Variants in SHC2 observed in about 807,000 individuals in gnomAD.
SHC2 encodes SHC-transforming protein 2.
Under a neutral mutation model 60.6 loss-of-function variants are expected in SHC2, and 62 were observed. The ratio of observed to expected loss-of-function variants is 1.02; its 90% CI spans 0.83 to 1.26. The LOEUF is 1.26. Ranked by LOEUF, SHC2 falls within the 50% of genes most tolerant of loss-of-function variation. The probability of loss-of-function intolerance (pLI) is 0.00; values close to 1 mark genes in which losing one functional copy is unlikely to be tolerated. For missense variants in SHC2, 873 were observed against 822.2 expected (o/e 1.06, Z -0.76); for synonymous variants, 375 against 372.4 (o/e 1.01, Z -0.08).
In SHC2 at chr19:430,748, C is replaced by G. The variant is rs1192662040; in HGVS notation, c.1111-1G>C. The G allele has an allele frequency of 6.2e-7, 1 of 1,613,006 alleles. No individual in the cohort carries two copies. The highest frequency in any genetic ancestry group is 8.5e-7 in the Non-Finnish European group (1 of 1,179,788). Reference sequence around the variant, plus strand: ...CATCTCTTAGAGAAGGAGATGGGCCCTGGAAACAGAGCAGTGAGAGGTTCC... The same window carrying G: ...CATCTCTTAGAGAAGGAGATGGGCCGTGGAAACAGAGCAGTGAGAGGTTCC... On this transcript the variant is annotated splice_acceptor_variant, in intron 8 of 12. Transcript: ENST00000264554. LOFTEE classifies it high-confidence loss of function.
rs1975052443 is a variant in SHC2, at chr19:446,371, T to C, written c.469-5439A>G. Among the ~76,000 whole-genome samples the C allele has an allele frequency of 6.6e-6, 1 of 152,094 alleles. No homozygotes were observed. Among genetic ancestry groups the C allele is most frequent in the Non-Finnish European group, 1.5e-5 (1 of 68,008 alleles). On this transcript the variant is annotated intron_variant, in intron 1 of 12. Coordinates refer to ENST00000264554, the MANE Select transcript of SHC2 (RefSeq NM_012435.3). The surrounding 1 kb of genome is among the most constrained non-coding windows in gnomAD (Gnocchi z 5.4). Reference sequence around the variant, plus strand: ...CTGTCGCCAGGCTGGAGTGCGGTGGTGCGATCACGACTCACTGCAACTTCC... The same window carrying C: ...CTGTCGCCAGGCTGGAGTGCGGTGGCGCGATCACGACTCACTGCAACTTCC...
At position 425,191 on chromosome 19, in the gene SHC2, GC is replaced by G; in HGVS notation, c.1214del (p.Gly405AlafsTer39). 5.9e-6 allele frequency: 8 copies of G among 1,345,418 alleles called. No individual in the cohort carries two copies. Among genetic ancestry groups the G allele is most frequent in the South Asian group, 4.6e-5 (2 of 43,146 alleles). The allele number at this position is 1,345,418 out of a possible 1,614,324, so 83.3% of individuals were successfully genotyped here. A position where few individuals can be genotyped will look rare whatever the true frequency, so the allele number is the denominator to read the frequency against. ...ACAGGTGCTCCTCGTGGTCCGGGGGGCCCCGGGCGTCCGCCTGCACGTAGCC... is the reference window on the plus strand; with the variant it reads ...ACAGGTGCTCCTCGTGGTCCGGGGGGCCCGGGCGTCCGCCTGCACGTAGCC... Reference protein sequence around the residue: ...GDGYVQADARGPPDHEEHLYV... With the variant: ...GDGYVQADARXPPDHEEHLYV... On this transcript the variant is annotated frameshift_variant, in exon 10 of 13. Transcript: ENST00000264554. LOFTEE classifies it high-confidence loss of function. This position sits in a 1 kb window ranked among gnomAD's most constrained non-coding sequence, Gnocchi z 4.1.
At chr19:429,433 C>T (rs1974507680) in intron 9 of SHC2, among the ~76,000 whole-genome samples, 1 of 147,360 alleles carries the variant, frequency 6.8e-6, no homozygotes, top group Admixed American at 6.9e-5. Context: ...GTGTGGATGA[C>T]ACAGTATCTA....
intron 9 of SHC2, among the ~76,000 whole-genome samples, chr19:428,630 C>T (rs184684639): frequency 1.4e-4 from 22 of 152,320 alleles, no homozygotes; most frequent in Admixed American, 3.9e-4. Context: ...CCACTGACAG[C>T]TAACAGTGGC....
chr19:443,965 GTGGATGGATGGACGGATGGT>G (rs1974987171), intron 1 of SHC2, among the ~76,000 whole-genome samples: 1 of 146,116 alleles, frequency 6.8e-6, no homozygotes, highest in Non-Finnish European at 1.5e-5. Context: ...TGGATGGAGG[GTGGATGGATGGACGGATGGT>G]TGGATGGATG....
intron 8 of SHC2, 93 bp from the exon 9 acceptor site, chr19:430,840 G>T: frequency 8.5e-7 from 1 of 1,183,182 alleles, no homozygotes; most frequent in Non-Finnish European, 1.2e-6. Flanking sequence ...CTCTTAGATG[G>T]CTGGAGACTT....
At position 453,086 on chromosome 19, in the gene SHC2, G is replaced by A. The variant is rs1178640968; in HGVS notation, c.468+7443C>T. 4 of 152,168 alleles carry A rather than the reference G, an allele frequency of 2.6e-5. No homozygotes were observed. Among genetic ancestry groups the A allele is most frequent in the Admixed American group, 2.6e-4 (4 of 15,254 alleles). 9.4% of individuals were successfully genotyped at this position (152,168 alleles called of 1,614,324 possible). A position where few individuals can be genotyped will look rare whatever the true frequency, so the allele number is the denominator to read the frequency against. The stretch of plus-strand genomic sequence containing the variant: ...GTGGCCACCATTTTGTGACCCTGAA[G>A]GTCGCCAAGCCAGCGTGCAGAGGAC... On this transcript the variant is annotated intron_variant, in intron 1 of 12. Coordinates refer to ENST00000264554, the MANE Select transcript of SHC2 (RefSeq NM_012435.3). This position sits in a 1 kb window ranked among gnomAD's most constrained non-coding sequence, Gnocchi z 6.3.
chr19:458,136 T>TGGGTTCCGGGGAGACGGAAGC (rs1354735951), intron 1 of SHC2, among the ~76,000 whole-genome samples: 1 of 86,724 alleles, frequency 1.2e-5, no homozygotes, highest in Non-Finnish European at 2.3e-5. Flanking sequence ...GAGGCGGAAG[T>TGGGTTCCGGGGAGACGGAAGC]GGGTTCCGGG....
chr19:441,985 T>C lies in SHC2; in HGVS notation c.469-1053A>G, dbSNP rs929708684. 3.9e-5 allele frequency among the ~76,000 whole-genome samples: 6 copies of C among 152,176 alleles called. No individual in the cohort carries two copies. The highest frequency in any genetic ancestry group is 1.2e-4 in the African/African-American group (5 of 41,456). On this transcript the variant is annotated intron_variant, in intron 1 of 12. Coordinates refer to ENST00000264554, the MANE Select transcript of SHC2 (RefSeq NM_012435.3). This position sits in a 1 kb window ranked among gnomAD's most constrained non-coding sequence, Gnocchi z 4.9. ...CTCTGCCCCTCTCCACGGCTCCATG[T>C]ACCTGGAGCAGGGAGAGCAAGGAGC...
At position 418,961 on chromosome 19, in the gene SHC2, C is replaced by T; in HGVS notation, c.1716G>A (p.Leu572=). The change falls in exon 12 of 13, where the codon CTG becomes CTA. Residue 572 remains leucine (L), a synonymous_variant. Coordinates refer to ENST00000264554, the MANE Select transcript of SHC2 (RefSeq NM_012435.3). ...CCCGTGAGACCACGCCACGCAGGTG[C>T]AGCTCACTCTCGGCGGCCACGATGG... ...GQPIVAAESE[L]HLRGVVSREP 6.3e-7 allele frequency: 1 copy of T among 1,587,748 alleles called. No individual in the cohort carries two copies. The highest frequency in any genetic ancestry group is 8.6e-7 in the Non-Finnish European group (1 of 1,167,864).
At chr19:436,142 A>G in intron 7 of SHC2, 23 bp downstream of exon 7, 1 of 1,609,162 alleles carries the variant, frequency 6.2e-7, no homozygotes, top group East Asian at 2.2e-5. Context: ...TCCCCAGGGC[A>G]CGGGGGAGGC....
rs1162513292 is a variant in SHC2, at chr19:440,904, G to A, written c.497C>T (p.Ser166Phe). The change falls in exon 2 of 13, where the codon TCT becomes TTT. Residue 166 changes from serine (S) to phenylalanine (F), a missense_variant. Physicochemically the swap from Ser to Phe is radical, Grantham distance 155. Coordinates refer to ENST00000264554, the MANE Select transcript of SHC2 (RefSeq NM_012435.3). This position sits in a 1 kb window ranked among gnomAD's most constrained non-coding sequence, Gnocchi z 7.0. ...CGTGTTAAAGTCCAGGGAGCGCATA[G>A]AGCGGAGAACCTCGATGCAGCCCAT... ...RYMGCIEVLR[S>F]MRSLDFNTRT... 4.3e-6 allele frequency: 7 copies of A among 1,612,768 alleles called. No homozygotes were observed. Among genetic ancestry groups the A allele is most frequent in the East Asian group, 2.2e-5 (1 of 44,898 alleles).
intron 1 of SHC2, among the ~76,000 whole-genome samples, chr19:451,297 G>T (rs982439901): frequency 1.4e-5 from 2 of 147,186 alleles, no homozygotes; most frequent in East Asian, 4.1e-4. Flanking sequence ...GGATGGCCAC[G>T]CTGTGGCCAC....
At chr19:423,265 A>G (rs113032789) in intron 10 of SHC2, among the ~76,000 whole-genome samples, 1 of 8,742 alleles carries the variant, frequency 1.1e-4, no homozygotes, top group Admixed American at 1.1e-3. Context: ...CCTGACCCTC[A>G]CTCCCTGGTC....
At chr19:451,230 ACGTCATATTTCAGTGTGTGGATGGCCACG>A (rs879848174) in intron 1 of SHC2, among the ~76,000 whole-genome samples, 26,088 of 147,844 alleles carry the variant, frequency 0.18, 2,460 homozygotes, top group Middle Eastern at 0.25. Flanking sequence ...CGCCGTGGCC[ACGTCATATTTCAGTGTGTGGATGGCCACG>A]CCGTGGCTGT....
At chr19:431,096 G>A (rs1344788440) in intron 8 of SHC2, among the ~76,000 whole-genome samples, 2 of 146,240 alleles carry the variant, frequency 1.4e-5, no homozygotes, top group African/African-American at 2.5e-5. Context: ...CTCAGGGAAG[G>A]CCTCCGGACC....
rs1049620190 is a variant in SHC2 at position 424,291 on chromosome 19, G to A, written c.1309+806C>T. ...CGGGGAAGGAAGGAACGGGCTCACC[G>A]TCAGACTAGCCACTTTGTCCAGAGG... On this transcript the variant is annotated intron_variant, in intron 10 of 12. Coordinates refer to ENST00000264554, the MANE Select transcript of SHC2 (RefSeq NM_012435.3). The surrounding 1 kb of genome is among the most constrained non-coding windows in gnomAD (Gnocchi z 4.5). 1.3e-5 allele frequency among the ~76,000 whole-genome samples: 2 copies of A among 152,192 alleles called. No individual in the cohort carries two copies. Among genetic ancestry groups the A allele is most frequent in the African/African-American group, 2.4e-5 (1 of 41,460 alleles).
intron 8 of SHC2, among the ~76,000 whole-genome samples, chr19:433,576 G>A (rs1974631563): frequency 1.8e-5 from 1 of 54,418 alleles, no homozygotes; most frequent in Non-Finnish European, 3.0e-5. Context: ...GCTTCATCGT[G>A]AGTGAGATAG....
Position 436,434 on chromosome 19 carries a change from G to C in SHC2, c.775-3C>G. On this transcript the variant is annotated splice_polypyrimidine_tract_variant and splice_region_variant and intron_variant, in intron 5 of 12. Coordinates refer to ENST00000264554, the MANE Select transcript of SHC2 (RefSeq NM_012435.3). Reference sequence around the variant, plus strand: ...TAGGCCACGTAATCCGTCATGTCCTGGGGGCGGGGAGGGGCCAGCTGGACC... The same window carrying C: ...TAGGCCACGTAATCCGTCATGTCCTCGGGGCGGGGAGGGGCCAGCTGGACC... 1 of 1,602,016 alleles carries C rather than the reference G, an allele frequency of 6.2e-7. No individual in the cohort carries two copies. The highest frequency in any genetic ancestry group is 8.5e-7 in the Non-Finnish European group (1 of 1,173,996).
Sources: gnomAD v4.1 joint callset for allele counts (sites outside exome capture counted in the v4.1 genomes callset) on GRCh38, gnomAD v4.1.1 for gene constraint, Gnocchi (gnomAD v3.1) non-coding constraint, MANE v1.5 for transcripts, NCBI Gene and HGNC (gene_info 2026-07-23, HGNC 2026-07-21) for gene names.